Variants in EVI5L observed in about 807,000 individuals in gnomAD.
The protein encoded by EVI5L is ecotropic viral integration site 5 like.
Under a neutral mutation model 106.1 loss-of-function variants are expected in EVI5L, and 30 were observed. The ratio of observed to expected loss-of-function variants is 0.28; its 90% confidence interval spans 0.21 to 0.38. The LOEUF (loss-of-function observed/expected upper bound fraction) is 0.38. Among genes scored for constraint, EVI5L ranks in the 10% least tolerant of loss-of-function variants. EVI5L has a pLI of 1.00. For missense variants in EVI5L, 809 were observed against 1,098.0 expected (o/e 0.74, Z 3.72); for synonymous variants, 489 against 483.3 (o/e 1.01, Z -0.15).
rs745593128 is a variant in EVI5L, at chr19:7,857,085, C to T, written c.1201-7C>T. ...CCCTGTCGCTGGGAACCCCCTTCGC[C>T]GGGTAGGAGAGCGCTGCTCTGGCTG... On this transcript the variant is annotated splice_polypyrimidine_tract_variant and splice_region_variant and intron_variant, in intron 11 of 19. Coordinates refer to ENST00000538904, the MANE Select transcript of EVI5L (RefSeq NM_001159944.3). This position sits in a 1 kb window ranked among gnomAD's most constrained non-coding sequence, Gnocchi z 4.5. The T allele has an allele frequency of 4.2e-4, 646 of 1,551,814 alleles. 1 individual carries two copies. The highest frequency in any genetic ancestry group is 5.2e-4 in the Non-Finnish European group (599 of 1,147,008).
Position 7,846,569 on chromosome 19 carries a change from C to A in EVI5L, c.27C>A (p.Asp9Glu), listed in dbSNP as rs756034264. The A allele has an allele frequency of 2.7e-5, 43 of 1,613,086 alleles. No homozygotes were observed. The highest frequency in any genetic ancestry group is 3.6e-5 in the Non-Finnish European group (42 of 1,179,708). ...TGGCGAGCCCCACTCTGAGCCCCGA[C>A]TCCTCATCCCAGGAGGCCCTGTCGG... MASPTLSP[D>E]SSSQEALSAP... The change falls in exon 2 of 20, where the codon GAC becomes GAA. Residue 9 changes from aspartate (D) to glutamate (E), a missense_variant. By Grantham distance (45) the Asp-to-Glu change is conservative (BLOSUM62 2). Coordinates refer to ENST00000538904, the MANE Select transcript of EVI5L (RefSeq NM_001159944.3).
chr19:7,856,127 G>T lies in EVI5L; in HGVS notation c.1200+59G>T. 2 of 1,297,902 alleles carry T rather than the reference G, an allele frequency of 1.5e-6. No individual in the cohort carries two copies. Among genetic ancestry groups the T allele is most frequent in the Admixed American group, 6.1e-5 (2 of 32,680 alleles). 80.4% of individuals were successfully genotyped at this position (1,297,902 alleles called of 1,614,324 possible). On this transcript the variant is annotated intron_variant, in intron 11 of 19. Coordinates refer to ENST00000538904, the MANE Select transcript of EVI5L (RefSeq NM_001159944.3). The surrounding 1 kb of genome is among the most constrained non-coding windows in gnomAD (Gnocchi z 6.6). ...CCATGGGGTGTGACCCACCATGCGG[G>T]GCATGGCCGCTAACCTGGGGTGGAC...
chr19:7,849,275 G>A lies in EVI5L; in HGVS notation c.572G>A (p.Arg191Gln), dbSNP rs774746088. 1.9e-6 allele frequency: 3 copies of A among 1,614,032 alleles called. No homozygotes were observed. The highest frequency in any genetic ancestry group is 1.1e-5 in the South Asian group (1 of 91,076). The change falls in exon 5 of 20, where the codon CGG (arginine) becomes CAG (glutamine). Residue 191 changes from arginine (R) to glutamine (Q), a missense_variant. By Grantham distance (43) the Arg-to-Gln change is conservative. Transcript: ENST00000538904. ...NVMKAYSLVD[R>Q]EVGYCQGSAF... is the part of the protein sequence containing the mutation. ...TTCTAGGCATACTCGCTGGTAGACC[G>A]GGAGGTGGGCTACTGCCAGGGAAGC...
intron 13 of EVI5L, 48 bp from the exon 14 acceptor site, chr19:7,860,513 T>TC: frequency 6.7e-7 from 1 of 1,493,786 alleles, no homozygotes; most frequent in Non-Finnish European, 9.0e-7. Flanking sequence ...AGGCTGCCCA[T>TC]CCCCCAGCCA....
At chr19:7,842,981 G>A (rs1978716826) in intron 1 of EVI5L, among the ~76,000 whole-genome samples, 1 of 151,574 alleles carries the variant, frequency 6.6e-6, no homozygotes. Flanking sequence ...GACTATGGAT[G>A]AGCACGTGTG....
intron 8 of EVI5L, chr19:7,852,718 A>ATTTT: frequency 1.3e-4 from 27 of 212,712 alleles, no homozygotes; most frequent in South Asian, 4.0e-4. Flanking sequence ...TGTCCAGCTA[A>ATTTT]TTTTTTTTTT....
Position 7,860,586 on chromosome 19 carries a change from T to C in EVI5L, c.1400T>C (p.Phe467Ser). The C allele has an allele frequency of 6.3e-7, 1 of 1,598,494 alleles. No homozygotes were observed. The highest frequency in any genetic ancestry group is 8.5e-7 in the Non-Finnish European group (1 of 1,173,258). ...GAGAACCCCCGCCTCACAGAAGACT[T>C]CGTGTCCCACCTGGAGACCGAGCTG... ...QQENPRLTED[F>S]VSHLETELEQ... The change falls in exon 14 of 20, where the codon TTC (phenylalanine) becomes TCC (serine). Residue 467 changes from phenylalanine to serine, a missense_variant. Phe to Ser is a radical substitution (Grantham distance 155). Coordinates refer to ENST00000538904, the MANE Select transcript of EVI5L (RefSeq NM_001159944.3).
Position 7,862,203 on chromosome 19 carries a change from G to A in EVI5L, c.1726G>A (p.Val576Met). Residue 576 changes from valine to methionine, a missense_variant, in exon 16 of 20, where the codon GTG becomes ATG. Val to Met is a conservative substitution (Grantham distance 21, BLOSUM62 1). This residue lies in a region of EVI5L where 452 missense variants were observed against 509.9 expected (regional missense o/e 0.89). Coordinates refer to ENST00000538904, the MANE Select transcript of EVI5L (RefSeq NM_001159944.3). ...VGELQDELMS[V>M]RLREAQALAE... ...CGAGCTGCAGGACGAGCTGATGAGC[G>A]TGCGTCTGCGCGAGGCCCAGGCCCT... The A allele has an allele frequency of 6.4e-7, 1 of 1,574,406 alleles. No individual in the cohort carries two copies. Among genetic ancestry groups the A allele is most frequent in the Non-Finnish European group, 8.6e-7 (1 of 1,162,766 alleles).
chr19:7,833,562 TGAC>T (rs2146409090), intron 1 of EVI5L, among the ~76,000 whole-genome samples: 1 of 152,310 alleles, frequency 6.6e-6, no homozygotes, highest in East Asian at 1.9e-4. Context: ...ACAGCAGGGA[TGAC>T]GTATGGACCA....
At position 7,856,125 on chromosome 19, in the gene EVI5L, G is replaced by A. The variant is rs775645772; in HGVS notation, c.1200+57G>A. On this transcript the variant is annotated intron_variant, in intron 11 of 19. Transcript: ENST00000538904. This position sits in a 1 kb window ranked among gnomAD's most constrained non-coding sequence, Gnocchi z 6.6. ...CGCCATGGGGTGTGACCCACCATGC[G>A]GGGCATGGCCGCTAACCTGGGGTGG... 33 of 1,299,896 alleles carry A rather than the reference G, an allele frequency of 2.5e-5. No homozygotes were observed. Among genetic ancestry groups the A allele is most frequent in the East Asian group, 5.6e-5 (2 of 35,640 alleles). The allele number at this position is 1,299,896 out of a possible 1,614,324, so 80.5% of individuals were successfully genotyped here.
chr19:7,862,932 C>T, intron 17 of EVI5L, 40 bp from the exon 18 acceptor site: 1 of 1,385,374 alleles, frequency 7.2e-7, no homozygotes, highest in Non-Finnish European at 9.8e-7. Flanking sequence ...CGCCGCGCCC[C>T]CTGACCCGCC....
chr19:7,832,232 C>G (rs1003856134), intron 1 of EVI5L, among the ~76,000 whole-genome samples: 3 of 152,134 alleles, frequency 2.0e-5, no homozygotes, highest in Admixed American at 6.5e-5. Context: ...GGCCCTGGCA[C>G]AGGGATGAGA....
chr19:7,855,776 T>G (rs571800654), intron 10 of EVI5L, among the ~76,000 whole-genome samples: 31 of 152,340 alleles, frequency 2.0e-4, no homozygotes, highest in African/African-American at 6.7e-4. Flanking sequence ...GGCACTGACG[T>G]TATTTTTACT....
intron 10 of EVI5L, 128 bp downstream of exon 10, chr19:7,853,461 G>A: frequency 7.7e-7 from 1 of 1,301,928 alleles, no homozygotes; most frequent in Non-Finnish European, 1.1e-6. Flanking sequence ...GGTCCTTGGC[G>A]GACAGGCCTC....
Position 7,858,315 on chromosome 19 carries a change from A to T in EVI5L, c.1358A>T (p.Gln453Leu). ...CAGAAGGCACAGAGCACCATCCGGC[A>T]GCTACAGGAGCAGCAGGTAGGGGCG... ...DLQKAQSTIRQLQEQQENPRL... is the reference protein window; with the variant it reads ...DLQKAQSTIRLLQEQQENPRL... Residue 453 changes from glutamine (Q) to leucine (L), a missense_variant, in exon 13 of 20, where the codon CAG (glutamine) becomes CTG (leucine). Around this residue, in one of 2 missense-constraint regions of EVI5L, gnomAD observed 452 missense variants for 509.9 expected, o/e 0.89. Transcript: ENST00000538904. The surrounding 1 kb of genome is among the most constrained non-coding windows in gnomAD (Gnocchi z 5.7). The T allele has an allele frequency of 6.5e-7, 1 of 1,547,484 alleles. No individual in the cohort carries two copies. Among genetic ancestry groups the T allele is most frequent in the Admixed American group, 2.0e-5 (1 of 51,024 alleles).
At chr19:7,842,189 GTGTGT>G (rs961775859) in intron 1 of EVI5L, among the ~76,000 whole-genome samples, 13 of 99,384 alleles carry the variant, frequency 1.3e-4, no homozygotes, top group Non-Finnish European at 2.8e-4. Context: ...GCATGGGTGT[GTGTGT>G]TGTGTGTGCA....
chr19:7,860,369 G>A (rs537591030), intron 13 of EVI5L, among the ~76,000 whole-genome samples, 192 bp from the exon 14 acceptor site: 1 of 152,170 alleles, frequency 6.6e-6, no homozygotes, highest in Non-Finnish European at 1.5e-5. Context: ...AAGGAAGCTG[G>A]ACCGGGCCAG....
chr19:7,857,052 C>T lies in EVI5L; in HGVS notation c.1201-40C>T. The T allele has an allele frequency of 1.9e-6, 3 of 1,551,578 alleles. No homozygotes were observed. Among genetic ancestry groups the T allele is most frequent in the Non-Finnish European group, 2.6e-6 (3 of 1,146,780 alleles). On this transcript the variant is annotated intron_variant, in intron 11 of 19. Coordinates refer to ENST00000538904, the MANE Select transcript of EVI5L (RefSeq NM_001159944.3). The surrounding 1 kb of genome is among the most constrained non-coding windows in gnomAD (Gnocchi z 4.5). ...TCCTGTCCCCGCGCCTTCCGCTCTG[C>T]CTCCTCCCCCTGTCGCTGGGAACCC...
intron 1 of EVI5L, among the ~76,000 whole-genome samples, chr19:7,839,168 C>T (rs1260257519): frequency 4.6e-5 from 7 of 151,504 alleles, no homozygotes; most frequent in African/African-American, 1.7e-4. Flanking sequence ...CCAGGCGTGG[C>T]GGTGGGTGCC....
Sources: allele counts gnomAD v4.1 joint callset (sites outside exome capture counted in the v4.1 genomes callset), GRCh38; gene constraint gnomAD v4.1.1; regional missense constraint gnomAD v4.1.1; non-coding constraint Gnocchi (gnomAD v3.1); transcripts MANE v1.5; gene names NCBI Gene and HGNC (gene_info 2026-07-23, HGNC 2026-07-21).